The following MANBA variants were observed in gnomAD, a reference collection of about 807,000 sequenced individuals.
The protein encoded by MANBA is beta-mannosidase.
Under a neutral mutation model 111.1 loss-of-function variants are expected in MANBA, and 83 were observed. That is an observed-to-expected ratio of 0.75 (90% CI 0.63 to 0.90). The LOEUF (loss-of-function observed/expected upper bound fraction) is 0.90. Ranked by LOEUF, MANBA falls within the 40% of genes least tolerant of loss-of-function variation. The probability of loss-of-function intolerance (pLI) is 0.00; values close to 1 mark genes in which losing one functional copy is unlikely to be tolerated. For synonymous variants in MANBA, 370 were observed against 378.7 expected (o/e 0.98, Z 0.27); for missense variants, 1,036 against 1,069.0 (o/e 0.97, Z 0.43).
At chr4:102,716,309 C>CAAAAAAAA (rs56345161) in intron 4 of MANBA, among the ~76,000 whole-genome samples, 2 of 39,108 alleles carry the variant, frequency 5.1e-5, no homozygotes, top group African/African-American at 8.5e-5. Context: ...AACTCAGTCT[C>CAAAAAAAA]AAAAAAAAAA....
intron 1 of MANBA, among the ~76,000 whole-genome samples, chr4:102,750,091 A>G (rs1485353379): frequency 6.6e-6 from 1 of 152,148 alleles, no homozygotes; most frequent in African/African-American, 2.4e-5. Flanking sequence ...ATTGATGACT[A>G]TTTCTGTTTA....
chr4:102,746,971 CAAAA>C (rs575851183), intron 1 of MANBA, among the ~76,000 whole-genome samples: 6 of 91,882 alleles, frequency 6.5e-5, no homozygotes, highest in Admixed American at 1.2e-4. Context: ...GACTCCATCT[CAAAA>C]AAAAAAAAAA....
Position 102,698,651 on chromosome 4 carries a change from A to G in MANBA, c.674-7880T>C, listed in dbSNP as rs182463253. Among the ~76,000 whole-genome samples, 61 of 151,926 alleles carry G rather than the reference A, an allele frequency of 4.0e-4. 1 individual carries two copies. Among genetic ancestry groups the G allele is most frequent in the Admixed American group, 2.4e-3 (36 of 15,254 alleles). On this transcript the variant is annotated intron_variant, in intron 5 of 16. Transcript: ENST00000647097. ...TTGCTTGTTTTTCTCAGGTTTGTCA[A>G]AGATCAGATAGTTGTAGATATACAG...
At chr4:102,750,931 T>A (rs1332723088) in intron 1 of MANBA, among the ~76,000 whole-genome samples, 2 of 151,702 alleles carry the variant, frequency 1.3e-5, no homozygotes, top group African/African-American at 4.8e-5. Flanking sequence ...AAAAAAATGA[T>A]AACAAAACAA....
chr4:102,659,237 T>A (rs1008356670), intron 11 of MANBA, among the ~76,000 whole-genome samples: 2 of 152,174 alleles, frequency 1.3e-5, no homozygotes, highest in African/African-American at 4.8e-5. Context: ...AACCAGATAC[T>A]GAACAAGTAA....
intron 1 of MANBA, chr4:102,734,257 C>T (rs762923763): frequency 8.3e-6 from 10 of 1,206,322 alleles, no homozygotes; most frequent in Non-Finnish European, 1.1e-5. Context: ...TGCTGTAAAC[C>T]TACAAAGTCT....
intron 4 of MANBA, among the ~76,000 whole-genome samples, chr4:102,715,754 T>A (rs1380074108): frequency 6.6e-6 from 1 of 152,214 alleles, no homozygotes. Context: ...CATAATTTGT[T>A]ACATCACAAT....
chr4:102,641,049 T>C (rs1310783610), intron 13 of MANBA, among the ~76,000 whole-genome samples: 1 of 152,188 alleles, frequency 6.6e-6, no homozygotes, highest in African/African-American at 2.4e-5. Flanking sequence ...CACAGAAAGA[T>C]ACGTAATCAT....
chr4:102,748,971 TAA>T (rs1723685425), intron 1 of MANBA, among the ~76,000 whole-genome samples: 1 of 152,022 alleles, frequency 6.6e-6, no homozygotes, highest in Non-Finnish European at 1.5e-5. Context: ...TAAATGTCAT[TAA>T]GATTAATTTA....
intron 10 of MANBA, chr4:102,668,557 C>T (rs1030100940): frequency 5.0e-6 from 1 of 198,106 alleles, no homozygotes; most frequent in African/African-American, 2.3e-5. Context: ...TCAATTTAAA[C>T]TTTCTCCTGA....
chr4:102,654,656 A>G (rs2110207098), intron 12 of MANBA, among the ~76,000 whole-genome samples: 1 of 152,300 alleles, frequency 6.6e-6, no homozygotes, highest in East Asian at 1.9e-4. Flanking sequence ...TGATATAAGC[A>G]CTCAGCTAAC....
intron 2 of MANBA, 101 bp from the exon 3 acceptor site, chr4:102,724,068 A>G: frequency 1.4e-6 from 1 of 708,254 alleles, no homozygotes; most frequent in East Asian, 2.7e-5. Context: ...ATATTCCACA[A>G]AAAATATATG....
intron 3 of MANBA, 47 bp from the exon 4 acceptor site, chr4:102,723,088 C>G (rs1187651592): frequency 4.5e-6 from 7 of 1,554,118 alleles, no homozygotes; most frequent in African/African-American, 1.4e-5. Flanking sequence ...TGGAAGTAGT[C>G]TTGTGTGTAA....
chr4:102,654,379 T>C (rs760788644), intron 12 of MANBA, among the ~76,000 whole-genome samples: 47 of 152,304 alleles, frequency 3.1e-4, no homozygotes, highest in Non-Finnish European at 4.7e-4. Flanking sequence ...GATAAGTATA[T>C]ACAATTTTTC....
intron 5 of MANBA, among the ~76,000 whole-genome samples, chr4:102,711,127 T>G (rs946044140): frequency 3.3e-5 from 5 of 152,256 alleles, no homozygotes; most frequent in African/African-American, 1.2e-4. Flanking sequence ...AGTACTATAT[T>G]AAACTAAAAA....
At chr4:102,660,760 TTAATA>T (rs1296343728) in intron 11 of MANBA, among the ~76,000 whole-genome samples, 1 of 148,568 alleles carries the variant, frequency 6.7e-6, no homozygotes, top group African/African-American at 2.4e-5. Context: ...CAGCTTTAAT[TTAATA>T]TATTAATATA....
chr4:102,649,718 A>G (rs546583535), intron 13 of MANBA, among the ~76,000 whole-genome samples: 16 of 152,160 alleles, frequency 1.1e-4, no homozygotes, highest in Admixed American at 5.9e-4. Context: ...GGTGTTTTTT[A>G]TACTTAATGG....
At chr4:102,737,631 C>T (rs1168296092) in intron 1 of MANBA, among the ~76,000 whole-genome samples, 1 of 152,060 alleles carries the variant, frequency 6.6e-6, no homozygotes, top group Non-Finnish European at 1.5e-5. Context: ...CACAGGCGCC[C>T]GCCACCACGC....
intron 6 of MANBA, among the ~76,000 whole-genome samples, 194 bp downstream of exon 6, chr4:102,690,402 C>T (rs919668335): frequency 6.6e-6 from 1 of 152,010 alleles, no homozygotes; most frequent in Non-Finnish European, 1.5e-5. Flanking sequence ...TTTTCTTAAT[C>T]TTAAAGTTTG....
Sources: allele counts gnomAD v4.1 joint callset (sites outside exome capture counted in the v4.1 genomes callset), GRCh38; gene constraint gnomAD v4.1.1; transcripts MANE v1.5; gene names NCBI Gene and HGNC (gene_info 2026-07-23, HGNC 2026-07-21).